The following SEC24C variants were observed in gnomAD, a reference collection of about 807,000 sequenced individuals.
SEC24C encodes SEC24 homolog C, COPII component, also known as protein transport protein Sec24C.
SEC24C carries 22 observed loss-of-function variants against 117.0 expected under a neutral mutation model. The ratio of observed to expected loss-of-function variants is 0.19; its 90% CI spans 0.13 to 0.27. SEC24C has a LOEUF of 0.27. SEC24C is among the 10% of genes least tolerant of loss of function. The pLI, the probability that SEC24C is intolerant of heterozygous loss-of-function variation, is 1.00. For missense variants in SEC24C, 1,155 were observed against 1,375.1 expected (o/e 0.84, Z 2.53); for synonymous variants, 506 against 529.4 (o/e 0.96, Z 0.61).
chr10:73,770,883 T>G, intron 22 of SEC24C, 72 bp from the exon 23 acceptor site: 1 of 1,612,960 alleles, frequency 6.2e-7, no homozygotes, highest in African/African-American at 1.3e-5. Context: ...AGTAAGTGAC[T>G]GCCTAATGAG....
chr10:73,758,063 C>T (rs1182725560), intron 3 of SEC24C, among the ~76,000 whole-genome samples: 1 of 151,778 alleles, frequency 6.6e-6, no homozygotes, highest in Non-Finnish European at 1.5e-5. Context: ...AGTGAAACCC[C>T]GTCTCTACTA....
At position 73,749,716 on chromosome 10, in the gene SEC24C, A is replaced by C. The variant is rs2082617699; in HGVS notation, c.173-1392A>C. Among the ~76,000 whole-genome samples the C allele has an allele frequency of 2.0e-5, 3 of 151,738 alleles. No homozygotes were observed. In the South Asian group the frequency reaches 6.2e-4, roughly 32 times the overall value. On this transcript the variant is annotated intron_variant, in intron 2 of 22. Coordinates refer to ENST00000345254, the MANE Select transcript of SEC24C (RefSeq NM_198597.3). The stretch of plus-strand genomic sequence containing the variant: ...ATGCCACCACGCCCGGCTAATTTTT[A>C]TATTTTTAGTAGAGACAGGGTTTCA...
Position 73,766,069 on chromosome 10 carries a change from A to C in SEC24C, c.1483-17A>C, listed in dbSNP as rs1565046345. On this transcript the variant is annotated splice_polypyrimidine_tract_variant and intron_variant, in intron 10 of 22. Transcript: ENST00000345254. ...GCTTACCATTCCCCCTCTCCCCAACATTTTCTTCCTCTGCAGAACAATAAG... is the reference window on the plus strand; with the variant it reads ...GCTTACCATTCCCCCTCTCCCCAACCTTTTCTTCCTCTGCAGAACAATAAG... 6.2e-7 allele frequency: 1 copy of C among 1,609,146 alleles called. No homozygotes were observed. The highest frequency in any genetic ancestry group is 1.3e-5 in the African/African-American group (1 of 74,580).
intron 3 of SEC24C, among the ~76,000 whole-genome samples, chr10:73,753,551 C>CTAG (rs1288684508): frequency 6.6e-6 from 1 of 152,130 alleles, no homozygotes; most frequent in Non-Finnish European, 1.5e-5. Flanking sequence ...GCTTGTTGTC[C>CTAG]TAGCTACTTT....
At position 73,771,841 on chromosome 10, in the gene SEC24C, C is replaced by G. The variant is rs1261057274; in HGVS notation, c.*746C>G. 1 of 155,384 alleles carries G rather than the reference C, an allele frequency of 6.4e-6. No homozygotes were observed. Among genetic ancestry groups the G allele is most frequent in the Non-Finnish European group, 1.4e-5 (1 of 70,002 alleles). The allele number at this position is 155,384 out of a possible 1,614,324, so 9.6% of individuals were successfully genotyped here. A position where few individuals can be genotyped will look rare whatever the true frequency, so the allele number is the denominator to read the frequency against. The stretch of plus-strand genomic sequence containing the variant: ...CATCAACTTGCAATACCTCACAGAG[C>G]CAGTTCACATCCCACTCTGAGCTCC... On this transcript the variant is annotated 3_prime_UTR_variant, in exon 23 of 23. Transcript: ENST00000345254.
At chr10:73,770,080 G>A (rs2082950362) in intron 20 of SEC24C, 65 bp downstream of exon 20, 1 of 1,479,756 alleles carries the variant, frequency 6.8e-7, no homozygotes, top group Non-Finnish European at 9.4e-7. Flanking sequence ...AGGAGGAAAG[G>A]ATAGGCTAGT....
Position 73,751,114 on chromosome 10 carries a change from C to T in SEC24C, c.179C>T (p.Ser60Leu). 1 of 1,613,828 alleles carries T rather than the reference C, an allele frequency of 6.2e-7. No individual in the cohort carries two copies. The highest frequency in any genetic ancestry group is 1.1e-5 in the South Asian group (1 of 91,016). ...TTCTGTCCTTTACCCTCAGGTATGT[C>T]AAGAGCCCCACCTTCCTCGGGGGCA... is the stretch of plus-strand genomic sequence containing the variant. ...GYQQTPPQGM[S>L]RAPPSSGAPP... Residue 60 changes from serine to leucine, a missense_variant, in exon 3 of 23, where the codon TCA becomes TTA. Physicochemically the swap from Ser to Leu is moderately radical, Grantham distance 145 (BLOSUM62 -2). Around this residue, in one of 2 missense-constraint regions of SEC24C, gnomAD observed 396 missense variants for 382.8 expected, o/e 1.03. Coordinates refer to ENST00000345254, the MANE Select transcript of SEC24C (RefSeq NM_198597.3).
At chr10:73,745,660 C>T (rs929820246) in intron 1 of SEC24C, among the ~76,000 whole-genome samples, 1 of 151,738 alleles carries the variant, frequency 6.6e-6, no homozygotes, top group African/African-American at 2.4e-5. Flanking sequence ...GCGATTTCTC[C>T]TGCCTCAGCC....
In SEC24C at chr10:73,767,631, C is replaced by G. The variant is rs539940328; in HGVS notation, c.2011-206C>G. Among the ~76,000 whole-genome samples, 12 of 152,188 alleles carry G rather than the reference C, an allele frequency of 7.9e-5. 1 individual carries two copies. In the South Asian group the frequency reaches 2.3e-3, roughly 29 times the overall value. On this transcript the variant is annotated intron_variant, in intron 14 of 22. Coordinates refer to ENST00000345254, the MANE Select transcript of SEC24C (RefSeq NM_198597.3). The stretch of plus-strand genomic sequence containing the variant: ...TGCAGTGAGCTGAGATCATGCCACT[C>G]TATGCCAGCCTGGGTGACAGAGTGA...
At position 73,767,980 on chromosome 10, in the gene SEC24C, C is replaced by T; in HGVS notation, c.2154C>T (p.Gly718=). 2 of 1,612,804 alleles carry T rather than the reference C, an allele frequency of 1.2e-6. No individual in the cohort carries two copies. Among genetic ancestry groups the T allele is most frequent in the African/African-American group, 1.3e-5 (1 of 74,982 alleles). The change falls in exon 15 of 23, where the codon GGC becomes GGT. Residue 718 remains glycine, a synonymous_variant. Transcript: ENST00000345254. Reference sequence around the variant, plus strand: ...CTGTTGTGCCCCAGCTCACTGGTGGCTCTGTCTACAAATATGCTTCCTTTC... The same window carrying T: ...CTGTTGTGCCCCAGCTCACTGGTGGTTCTGTCTACAAATATGCTTCCTTTC... ...TLSVVPQLTG[G]SVYKYASFQV...
intron 9 of SEC24C, 29 bp from the exon 10 acceptor site, chr10:73,765,771 C>T (rs535635820): frequency 6.3e-6 from 10 of 1,595,916 alleles, no homozygotes; most frequent in African/African-American, 4.0e-5. Flanking sequence ...ACTGGATCTT[C>T]GAGTAACACA....
chr10:73,755,093 G>A (rs1382323703), intron 3 of SEC24C, among the ~76,000 whole-genome samples: 1 of 151,344 alleles, frequency 6.6e-6, no homozygotes, highest in African/African-American at 2.4e-5. Flanking sequence ...AAATCGCACC[G>A]CTGCACTCCA....
In SEC24C at chr10:73,767,968, G is replaced by A. The variant is rs572610343; in HGVS notation, c.2142G>A (p.Gln714=). The A allele has an allele frequency of 3.7e-6, 6 of 1,613,232 alleles. No homozygotes were observed. The South Asian group carries it at 6.6e-5, about 18-fold the overall frequency. The change falls in exon 15 of 23, where the codon CAG becomes CAA. Residue 714 remains glutamine, a synonymous_variant. Transcript: ENST00000345254. ...TGGCCACACTCTCTGTTGTGCCCCA[G>A]CTCACTGGTGGCTCTGTCTACAAAT... ...VDVATLSVVP[Q]LTGGSVYKYA...
In SEC24C at chr10:73,769,074, G is replaced by A; in HGVS notation, c.2346G>A (p.Gly782=). Residue 782 remains glycine (G), a synonymous_variant, in exon 17 of 23, where the codon GGG becomes GGA. Coordinates refer to ENST00000345254, the MANE Select transcript of SEC24C (RefSeq NM_198597.3). This position sits in a 1 kb window ranked among gnomAD's most constrained non-coding sequence, Gnocchi z 4.5. ...ACACGACAGATGTGGAGCTGGCTGG[G>A]CTAGATGGGGACAAAACAGTGACTG... ...MSNTTDVELA[G]LDGDKTVTVE... The A allele has an allele frequency of 6.2e-7, 1 of 1,614,224 alleles. No homozygotes were observed. Among genetic ancestry groups the A allele is most frequent in the South Asian group, 1.1e-5 (1 of 91,090 alleles).
chr10:73,765,931 A>T lies in SEC24C; in HGVS notation c.1482+16A>T. The T allele has an allele frequency of 6.2e-7, 1 of 1,605,114 alleles. No individual in the cohort carries two copies. The highest frequency in any genetic ancestry group is 1.1e-5 in the South Asian group (1 of 90,916). Reference sequence around the variant, plus strand: ...TTACTGCAAGGTGAGGGAAGGTAGCATGGGAGGAGCAGTGAGTGGAGGATA... The same window carrying T: ...TTACTGCAAGGTGAGGGAAGGTAGCTTGGGAGGAGCAGTGAGTGGAGGATA... On this transcript the variant is annotated intron_variant, in intron 10 of 22. Transcript: ENST00000345254.
chr10:73,759,809 A>G lies in SEC24C; in HGVS notation c.481+15A>G. The G allele has an allele frequency of 6.4e-7, 1 of 1,553,132 alleles. No homozygotes were observed. Among genetic ancestry groups the G allele is most frequent in the African/African-American group, 1.4e-5 (1 of 72,830 alleles). On this transcript the variant is annotated intron_variant, in intron 4 of 22. Coordinates refer to ENST00000345254, the MANE Select transcript of SEC24C (RefSeq NM_198597.3). ...GCTGGGCTTTGGTGAGTGGCTGTGA[A>G]CACAGGAATGTTACTGTCCCCTGTT... is the stretch of plus-strand genomic sequence containing the variant.
At chr10:73,755,358 T>G (rs2082694820) in intron 3 of SEC24C, among the ~76,000 whole-genome samples, 1 of 151,866 alleles carries the variant, frequency 6.6e-6, no homozygotes, top group South Asian at 2.1e-4. Context: ...AGTGTAGAGA[T>G]AAAGAAAACT....
chr10:73,753,007 A>G (rs183406327), intron 3 of SEC24C, among the ~76,000 whole-genome samples: 5 of 152,172 alleles, frequency 3.3e-5, no homozygotes, highest in Admixed American at 1.3e-4. Context: ...CCCCTCATAA[A>G]TAACAACTAT....
At chr10:73,751,087 G>A in intron 2 of SEC24C, 21 bp from the exon 3 acceptor site, 2 of 1,608,896 alleles carry the variant, frequency 1.2e-6, no homozygotes, top group Non-Finnish European at 1.7e-6. Flanking sequence ...CAATCACTTA[G>A]TTTCTGTCCT....
Sources: allele counts gnomAD v4.1 joint callset (sites outside exome capture counted in the v4.1 genomes callset), GRCh38; gene constraint gnomAD v4.1.1; regional missense constraint gnomAD v4.1.1; non-coding constraint Gnocchi (gnomAD v3.1); transcripts MANE v1.5; gene names NCBI Gene and HGNC (gene_info 2026-07-23, HGNC 2026-07-21).